Variants in C12orf42 observed in about 807,000 individuals in gnomAD.
The protein encoded by C12orf42 is chromosome 12 open reading frame 42.
Under a neutral mutation model 21.6 loss-of-function variants are expected in C12orf42, and 25 were observed. The observed-to-expected ratio is 1.16, with a 90% CI of 0.84 to 1.62. The LOEUF (loss-of-function observed/expected upper bound fraction) is 1.62. C12orf42 is among the 40% of genes most tolerant of loss of function. The pLI is 0.00. For missense variants in C12orf42, 483 were observed against 459.3 expected (o/e 1.05, Z -0.47); for synonymous variants, 174 against 175.0 (o/e 0.99, Z 0.05).
At chr12:103,074,364 G>A in the C12orf42 span, among the ~76,000 whole-genome samples, 34 of 152,216 alleles carry the variant, frequency 2.2e-4, no homozygotes, top group African/African-American at 7.0e-4. Flanking sequence ...CTGGAAAAGC[G>A]TACCATGGAG....
At chr12:103,123,678 T>G in the C12orf42 span, among the ~76,000 whole-genome samples, 3 of 152,272 alleles carry the variant, frequency 2.0e-5, no homozygotes, top group East Asian at 3.9e-4. Flanking sequence ...AAACTACTTA[T>G]GGATTTCAAA....
the C12orf42 span, chr12:103,081,155 C>G: frequency 6.6e-6 from 1 of 152,206 alleles, no homozygotes; most frequent in Non-Finnish European, 1.5e-5. Flanking sequence ...CACACATAAG[C>G]ACACTTCTCA....
chr12:103,193,434 A>G, the C12orf42 span, among the ~76,000 whole-genome samples: 2 of 151,772 alleles, frequency 1.3e-5, no homozygotes, highest in African/African-American at 4.8e-5. Context: ...AAAAAATTAT[A>G]AAACTGAGTT....
intron 4 of C12orf42, among the ~76,000 whole-genome samples, chr12:103,285,334 C>A (rs773476983): frequency 2.0e-5 from 3 of 152,198 alleles, no homozygotes; most frequent in Non-Finnish European, 4.4e-5. Flanking sequence ...TCACTATTAA[C>A]CTTCCTAAGG....
At chr12:103,328,801 G>T (rs1479971289) in intron 4 of C12orf42, among the ~76,000 whole-genome samples, 1 of 152,206 alleles carries the variant, frequency 6.6e-6, no homozygotes, top group Non-Finnish European at 1.5e-5. Flanking sequence ...CTGTCTGGGT[G>T]AAAGTGAAAA....
the C12orf42 span, among the ~76,000 whole-genome samples, chr12:103,145,296 T>TAGTTCC: frequency 2.0e-5 from 3 of 152,330 alleles, no homozygotes; most frequent in African/African-American, 7.2e-5. Context: ...CTGACTTTTC[T>TAGTTCC]AGTTCCAGTT....
rs571295360 is a variant in C12orf42, at chr12:103,414,342, T to C, written c.79-12667A>G. On this transcript the variant is annotated intron_variant, in intron 2 of 5. Transcript: ENST00000548883. ...CTTTTTTATGGGATTGTTTGTTTTT[T>C]TCTTGGTGATTTGTTTGCGTTCCTT... Among the ~76,000 whole-genome samples, 18 of 152,264 alleles carry C rather than the reference T, an allele frequency of 1.2e-4. No individual in the cohort carries two copies. In the East Asian group the frequency reaches 2.7e-3, roughly 23 times the overall value.
intron 2 of C12orf42, among the ~76,000 whole-genome samples, chr12:103,465,459 G>C (rs1404229531): frequency 6.6e-6 from 1 of 152,158 alleles, no homozygotes; most frequent in Admixed American, 6.5e-5. Context: ...TGTATCCTGA[G>C]ACTTTGCTGA....
downstream of C12orf42, among the ~76,000 whole-genome samples, chr12:103,265,447 T>C (rs2035117985): frequency 6.6e-6 from 1 of 152,184 alleles, no homozygotes; most frequent in East Asian, 1.9e-4. Context: ...TTTAAATCTA[T>C]TTCATTCTGT....
chr12:103,483,248 T>C (rs1002336610), intron 1 of C12orf42, among the ~76,000 whole-genome samples: 1 of 152,116 alleles, frequency 6.6e-6, no homozygotes, highest in Non-Finnish European at 1.5e-5. Context: ...TAATCAGTTG[T>C]AGCAAACGTA....
intron 3 of C12orf42, among the ~76,000 whole-genome samples, chr12:103,369,297 AAGAGGAGAAGTCT>A (rs2044956477): frequency 6.6e-6 from 1 of 152,090 alleles, no homozygotes; most frequent in African/African-American, 2.4e-5. Flanking sequence ...GTGGGGATAC[AAGAGGAGAAGTCT>A]CTGCCCTCAC....
the C12orf42 span, among the ~76,000 whole-genome samples, chr12:103,081,766 C>A: frequency 6.6e-6 from 1 of 152,180 alleles, no homozygotes; most frequent in African/African-American, 2.4e-5. Context: ...GTGAATCAGA[C>A]ATTTGTAAAA....
At chr12:103,099,588 A>G in the C12orf42 span, among the ~76,000 whole-genome samples, 1 of 152,318 alleles carries the variant, frequency 6.6e-6, no homozygotes, top group Non-Finnish European at 1.5e-5. Context: ...ACAGATATTT[A>G]TTTCAGAGAA....
chr12:103,562,501 A>AGTCCAC, the C12orf42 span, among the ~76,000 whole-genome samples: 4 of 152,214 alleles, frequency 2.6e-5, no homozygotes, highest in African/African-American at 9.7e-5. Context: ...GCAATTTCCC[A>AGTCCAC]GTCCACACAG....
chr12:103,512,454 A>G, the C12orf42 span, among the ~76,000 whole-genome samples: 1 of 152,218 alleles, frequency 6.6e-6, no homozygotes, highest in Non-Finnish European at 1.5e-5. Context: ...CAAAATAGCT[A>G]GAAGAGAGGA....
At chr12:103,491,951 T>TG (rs1955212016) in intron 1 of C12orf42, among the ~76,000 whole-genome samples, 1 of 64,176 alleles carries the variant, frequency 1.6e-5, no homozygotes, top group Non-Finnish European at 4.9e-5. Flanking sequence ...TTTTCAATTT[T>TG]GTTTTTTTTT....
At chr12:103,181,659 G>A in the C12orf42 span, among the ~76,000 whole-genome samples, 1 of 152,236 alleles carries the variant, frequency 6.6e-6, no homozygotes, top group South Asian at 2.1e-4. Flanking sequence ...AACTGTGAAA[G>A]TACCAGAATG....
At chr12:103,480,191 T>C (rs1243997980) in intron 1 of C12orf42, among the ~76,000 whole-genome samples, 1 of 151,896 alleles carries the variant, frequency 6.6e-6, no homozygotes, top group East Asian at 1.9e-4. Flanking sequence ...AATAAATTAT[T>C]TTATTTCCTA....
At chr12:103,530,428 G>T in the C12orf42 span, among the ~76,000 whole-genome samples, 2 of 152,216 alleles carry the variant, frequency 1.3e-5, no homozygotes, top group Non-Finnish European at 2.9e-5. Context: ...AGCAGGAGCT[G>T]ACCCAGGCTT....
Sources: gnomAD v4.1 joint callset for allele counts (sites outside exome capture counted in the v4.1 genomes callset) on GRCh38, gnomAD v4.1.1 for gene constraint, MANE v1.5 for transcripts, NCBI Gene and HGNC (gene_info 2026-07-23, HGNC 2026-07-21) for gene names.